NBEA: variants seen among roughly 807,000 people sequenced by gnomAD.
NBEA encodes the protein neurobeachin, also known as lysosomal-trafficking regulator 2.
NBEA carries 44 observed loss-of-function variants against 343.4 expected under a neutral mutation model. The observed-to-expected ratio is 0.13, with a 90% CI of 0.10 to 0.16. The LOEUF is 0.16. Ranked by LOEUF, NBEA falls within the 10% of genes least tolerant of loss-of-function variation. NBEA has a pLI of 1.00. For synonymous variants in NBEA, 1,175 were observed against 1,238.7 expected (o/e 0.95, Z 1.08); for missense variants, 2,555 against 3,631.3 (o/e 0.70, Z 7.62).
intron 10 of NBEA, among the ~76,000 whole-genome samples, chr13:35,084,593 G>A (rs567247819): frequency 6.6e-6 from 1 of 152,190 alleles, no homozygotes; most frequent in African/African-American, 2.4e-5. Context: ...GTGTGTAGAG[G>A]GAAATTTATA....
intron 34 of NBEA, among the ~76,000 whole-genome samples, chr13:35,258,787 T>A (rs897166426): frequency 6.6e-5 from 10 of 152,220 alleles, no homozygotes; most frequent in Non-Finnish European, 1.0e-4. Context: ...TATGATTTTT[T>A]AAATTTTAAT....
chr13:35,190,356 T>C (rs904526813), intron 30 of NBEA, among the ~76,000 whole-genome samples: 1 of 152,108 alleles, frequency 6.6e-6, no homozygotes, highest in Admixed American at 6.5e-5. Flanking sequence ...AGGGAAGACC[T>C]GAGAAGGCCT....
chr13:35,458,805 C>G (rs2046727933), intron 40 of NBEA, among the ~76,000 whole-genome samples: 1 of 152,022 alleles, frequency 6.6e-6, no homozygotes. Context: ...GGTCAAAATA[C>G]CGCACCTACT....
intron 32 of NBEA, 97 bp downstream of exon 32, chr13:35,208,951 T>C (rs563370987): frequency 6.3e-5 from 58 of 920,420 alleles, no homozygotes; most frequent in Middle Eastern, 3.4e-4. Flanking sequence ...ACCCTAATCA[T>C]TTAAGATTAT....
At chr13:35,319,362 G>T (rs2152839265) in intron 36 of NBEA, among the ~76,000 whole-genome samples, 1 of 152,282 alleles carries the variant, frequency 6.6e-6, no homozygotes, top group Non-Finnish European at 1.5e-5. Context: ...TTACCTGGTA[G>T]TCATTCAGGA....
intron 34 of NBEA, among the ~76,000 whole-genome samples, chr13:35,265,812 G>A (rs1442480721): frequency 6.6e-6 from 1 of 151,750 alleles, no homozygotes; most frequent in Non-Finnish European, 1.5e-5. Flanking sequence ...AGGATTTTTG[G>A]ATGTGACTCT....
At chr13:35,594,978 CACACACACACACAA>C (rs1009067088) in intron 47 of NBEA, among the ~76,000 whole-genome samples, 4 of 151,120 alleles carry the variant, frequency 2.6e-5, no homozygotes, top group African/African-American at 7.3e-5. Flanking sequence ...CACACACACA[CACACACACACACAA>C]ATTGGCTTTT....
chr13:35,156,401 C>T (rs927116405), intron 20 of NBEA, among the ~76,000 whole-genome samples, 195 bp downstream of exon 20: 6 of 151,682 alleles, frequency 4.0e-5, no homozygotes, highest in African/African-American at 9.7e-5. Context: ...TATTTTGTTA[C>T]GTGGATATTA....
At chr13:35,152,364 A>T (rs964673848) in intron 18 of NBEA, among the ~76,000 whole-genome samples, 1 of 152,188 alleles carries the variant, frequency 6.6e-6, no homozygotes, top group Non-Finnish European at 1.5e-5. Flanking sequence ...TATTCACAGA[A>T]AAAGAAAGTC....
At chr13:35,478,919 G>A (rs527704748) in intron 41 of NBEA, among the ~76,000 whole-genome samples, 58 of 152,358 alleles carry the variant, frequency 3.8e-4, no homozygotes, top group African/African-American at 1.2e-3. Flanking sequence ...CGGGAAGGAC[G>A]CGGGCCTGCG....
At chr13:35,549,585 G>C (rs187166996) in intron 41 of NBEA, among the ~76,000 whole-genome samples, 7 of 152,254 alleles carry the variant, frequency 4.6e-5, no homozygotes, top group Non-Finnish European at 1.0e-4. Context: ...CTCAGTATTA[G>C]AGCCAACCTT....
At chr13:34,976,012 C>T (rs1028838642) in intron 1 of NBEA, among the ~76,000 whole-genome samples, 19 of 152,182 alleles carry the variant, frequency 1.2e-4, no homozygotes, top group African/African-American at 4.3e-4. Context: ...AAAACAGTGT[C>T]GAGATTCCTT....
chr13:35,426,029 G>A (rs940314466), intron 38 of NBEA, among the ~76,000 whole-genome samples: 5 of 152,060 alleles, frequency 3.3e-5, no homozygotes, highest in African/African-American at 1.2e-4. Flanking sequence ...TTTATTTTGA[G>A]CCTATGTGTG....
chr13:35,239,610 T>C (rs951122675), intron 34 of NBEA, among the ~76,000 whole-genome samples: 3 of 152,020 alleles, frequency 2.0e-5, no homozygotes, highest in African/African-American at 4.8e-5. Context: ...AGCTTTTAAT[T>C]TGGAATTTGA....
chr13:35,383,964 G>A (rs929488275), intron 38 of NBEA, among the ~76,000 whole-genome samples: 2 of 151,940 alleles, frequency 1.3e-5, no homozygotes, highest in Non-Finnish European at 2.9e-5. Flanking sequence ...ATAGGTATTG[G>A]CATATGACTG....
In NBEA at chr13:35,118,286, A is replaced by C. The variant is rs1283186004; in HGVS notation, c.2141A>C (p.His714Pro). The C allele has an allele frequency of 3.8e-6, 6 of 1,567,608 alleles. No individual in the cohort carries two copies. The East Asian group carries it at 7.0e-5, about 18-fold the overall frequency. The change falls in exon 15 of 59, where the codon CAT (histidine) becomes CCT (proline). Residue 714 changes from histidine (H) to proline (P), a missense_variant. Physicochemically the swap from His to Pro is moderately conservative, Grantham distance 77 (BLOSUM62 -2). This residue lies in a region of NBEA where 360 missense variants were observed against 519.1 expected (regional missense o/e 0.69). Coordinates refer to ENST00000379939, the MANE Select transcript of NBEA (RefSeq NM_001385012.1). ...ATATTAAATTACCTACTTACGATGC[A>C]TGAGGTAGGACATGTTATGGGCCTT... ...QSILNYLLTM[H>P]EDENIHDVLQ...
At chr13:35,229,618 T>G (rs1457676530) in intron 33 of NBEA, among the ~76,000 whole-genome samples, 1 of 152,162 alleles carries the variant, frequency 6.6e-6, no homozygotes, top group Admixed American at 6.6e-5. Context: ...TCATGTGTCT[T>G]GGAATTGGGG....
At position 35,434,596 on chromosome 13, in the gene NBEA, A is replaced by G. The variant is rs74054539; in HGVS notation, c.6304+2203A>G. Among the ~76,000 whole-genome samples, 923 of 152,314 alleles carry G rather than the reference A, an allele frequency of 6.1e-3. 17 individuals are homozygous for G. Among genetic ancestry groups the G allele is most frequent in the African/African-American group, 0.021 (870 of 41,568 alleles). Reference sequence around the variant, plus strand: ...GACTAAAGAGAACTAAAACAATTTTATCTCCAAAAACAATTATCCTCTAAC... The same window carrying G: ...GACTAAAGAGAACTAAAACAATTTTGTCTCCAAAAACAATTATCCTCTAAC... On this transcript the variant is annotated intron_variant, in intron 39 of 58. Coordinates refer to ENST00000379939, the MANE Select transcript of NBEA (RefSeq NM_001385012.1).
chr13:35,599,226 T>C (rs191493163), intron 47 of NBEA, among the ~76,000 whole-genome samples: 72 of 152,308 alleles, frequency 4.7e-4, no homozygotes, highest in Admixed American at 2.4e-3. Context: ...GCCAGAATCA[T>C]GTGTTAAATT....
Sources: gnomAD v4.1 joint callset for allele counts (sites outside exome capture counted in the v4.1 genomes callset) on GRCh38, gnomAD v4.1.1 for gene constraint, gnomAD v4.1.1 regional missense constraint, MANE v1.5 for transcripts, NCBI Gene and HGNC (gene_info 2026-07-23, HGNC 2026-07-21) for gene names.